The following CCDC171 variants were observed in gnomAD, a reference collection of about 807,000 sequenced individuals.
The protein encoded by CCDC171 is coiled-coil domain-containing protein 171.
CCDC171 carries 177 observed loss-of-function variants against 168.2 expected under a neutral mutation model. The ratio of observed to expected loss-of-function variants is 1.05; its 90% CI spans 0.93 to 1.19. The LOEUF (loss-of-function observed/expected upper bound fraction) is 1.19, where lower values mean the gene tolerates loss of function less well. CCDC171 is among the 50% of genes most tolerant of loss of function. The pLI is 0.00. For synonymous variants in CCDC171, 687 were observed against 540.8 expected (o/e 1.27, Z -3.75); for missense variants, 1,991 against 1,539.0 (o/e 1.29, Z -4.91).
At chr9:15,736,746 G>A (rs1023436487) in intron 16 of CCDC171, among the ~76,000 whole-genome samples, 3 of 151,598 alleles carry the variant, frequency 2.0e-5, no homozygotes, top group African/African-American at 7.3e-5. Context: ...TGCAGTCTCG[G>A]CTCACTGCAG....
intron 23 of CCDC171, among the ~76,000 whole-genome samples, chr9:15,855,877 G>A (rs184085118): frequency 9.4e-4 from 143 of 151,962 alleles, no homozygotes; most frequent in African/African-American, 3.3e-3. Context: ...TATATTGTGT[G>A]CCCGTCAACA....
At chr9:15,600,624 C>G (rs1010125474) in intron 6 of CCDC171, among the ~76,000 whole-genome samples, 5 of 152,196 alleles carry the variant, frequency 3.3e-5, no homozygotes, top group Admixed American at 1.3e-4. Flanking sequence ...TCTCAGATCT[C>G]CAGCTGCATG....
At chr9:15,847,313 A>T (rs1318318961) in intron 22 of CCDC171, among the ~76,000 whole-genome samples, 2 of 152,122 alleles carry the variant, frequency 1.3e-5, no homozygotes, top group African/African-American at 4.8e-5. Flanking sequence ...CATTTAAAAA[A>T]TACAATAAAA....
At chr9:15,594,389 A>C (rs779381093) in intron 6 of CCDC171, among the ~76,000 whole-genome samples, 6 of 152,080 alleles carry the variant, frequency 3.9e-5, no homozygotes, top group Admixed American at 3.9e-4. Context: ...TGCATACCTT[A>C]TGTGATTTTT....
At chr9:15,952,402 G>C (rs1005414064) in intron 25 of CCDC171, among the ~76,000 whole-genome samples, 47 of 152,090 alleles carry the variant, frequency 3.1e-4, no homozygotes, top group African/African-American at 1.0e-3. Flanking sequence ...GATGGATTTT[G>C]CTTTGTTTTT....
chr9:15,704,859 C>T (rs2052083628), intron 11 of CCDC171, among the ~76,000 whole-genome samples: 1 of 152,022 alleles, frequency 6.6e-6, no homozygotes, highest in Non-Finnish European at 1.5e-5. Context: ...TTTCCTAATG[C>T]CTCTAACCCT....
At position 15,676,369 on chromosome 9, in the gene CCDC171, A is replaced by G. The variant is rs142844184; in HGVS notation, c.1077-2389A>G. Among the ~76,000 whole-genome samples, 6 of 151,914 alleles carry G rather than the reference A, an allele frequency of 3.9e-5. No homozygotes were observed. In the South Asian group the frequency reaches 1.2e-3, roughly 32 times the overall value. On this transcript the variant is annotated intron_variant, in intron 9 of 25. Coordinates refer to ENST00000380701, the MANE Select transcript of CCDC171 (RefSeq NM_173550.4). The stretch of plus-strand genomic sequence containing the variant: ...TGTTATTACCGACCTTCTGAACCCT[A>G]CTTCTGTCAACTCGTCAAACTCATT...
intron 24 of CCDC171, among the ~76,000 whole-genome samples, chr9:15,878,167 A>C (rs1323133722): frequency 6.6e-6 from 1 of 152,208 alleles, no homozygotes; most frequent in African/African-American, 2.4e-5. Context: ...GTACAGCAAA[A>C]GAAACTATCA....
chr9:15,835,736 A>C (rs762356735), intron 21 of CCDC171, among the ~76,000 whole-genome samples: 3 of 152,182 alleles, frequency 2.0e-5, no homozygotes, highest in Admixed American at 6.5e-5. Context: ...TGTCAGTTGC[A>C]TTTTTAATTA....
chr9:16,063,894 C>G (rs1382736042), downstream of CCDC171, among the ~76,000 whole-genome samples: 6 of 152,196 alleles, frequency 3.9e-5, no homozygotes, highest in Non-Finnish European at 2.9e-5. Flanking sequence ...ATAGTGAATT[C>G]TAAATGCAGA....
At chr9:15,630,015 C>T (rs1250989092) in intron 7 of CCDC171, among the ~76,000 whole-genome samples, 2 of 152,182 alleles carry the variant, frequency 1.3e-5, no homozygotes, top group African/African-American at 2.4e-5. Context: ...CCTGCAAGAG[C>T]TCCTGAAGGA....
intron 23 of CCDC171, among the ~76,000 whole-genome samples, chr9:15,852,848 A>C (rs1223275043): frequency 5.9e-5 from 9 of 151,610 alleles, no homozygotes; most frequent in Admixed American, 5.3e-4. Flanking sequence ...TTTCCCATTG[A>C]ATGATCATGT....
At chr9:15,595,890 G>A (rs1317385189) in intron 6 of CCDC171, among the ~76,000 whole-genome samples, 1 of 152,140 alleles carries the variant, frequency 6.6e-6, no homozygotes, top group Non-Finnish European at 1.5e-5. Flanking sequence ...GCATTTCTCT[G>A]ATGGCCAGTG....
chr9:15,647,581 C>G (rs2047153070), intron 7 of CCDC171, among the ~76,000 whole-genome samples: 1 of 152,104 alleles, frequency 6.6e-6, no homozygotes, highest in Non-Finnish European at 1.5e-5. Context: ...ACCGATTCCA[C>G]AGAAATAGAG....
chr9:15,713,929 T>C (rs1029116958), intron 11 of CCDC171, among the ~76,000 whole-genome samples: 2 of 151,602 alleles, frequency 1.3e-5, no homozygotes, highest in African/African-American at 4.9e-5. Context: ...CAAAGGTACA[T>C]TGCTGGTCCT....
chr9:15,916,657 A>G (rs987569257), intron 24 of CCDC171, among the ~76,000 whole-genome samples: 1 of 152,058 alleles, frequency 6.6e-6, no homozygotes, highest in African/African-American at 2.4e-5. Flanking sequence ...AACAAATTAT[A>G]TAAATGGTCT....
intron 11 of CCDC171, among the ~76,000 whole-genome samples, chr9:15,709,642 C>A (rs146984394): frequency 2.6e-5 from 4 of 152,158 alleles, no homozygotes; most frequent in African/African-American, 9.6e-5. Flanking sequence ...CAAATAACAC[C>A]TGCATTTAAA....
intron 3 of CCDC171, among the ~76,000 whole-genome samples, chr9:16,014,949 G>A (rs953104557): frequency 4.6e-5 from 7 of 151,994 alleles, no homozygotes; most frequent in African/African-American, 7.2e-5. Flanking sequence ...TCCATTAGCC[G>A]CTAACAAGAG....
chr9:15,752,284 G>A (rs2134869057), intron 18 of CCDC171, among the ~76,000 whole-genome samples: 1 of 152,280 alleles, frequency 6.6e-6, no homozygotes, highest in South Asian at 2.1e-4. Flanking sequence ...GGAGAAATAG[G>A]TACGCTGTTA....
Sources: allele counts gnomAD v4.1 joint callset (sites outside exome capture counted in the v4.1 genomes callset), GRCh38; gene constraint gnomAD v4.1.1; transcripts MANE v1.5; gene names NCBI Gene and HGNC (gene_info 2026-07-23, HGNC 2026-07-21).